RORA: variants seen among roughly 807,000 people sequenced by gnomAD.
RORA encodes nuclear receptor ROR-alpha.
In RORA, 7 loss-of-function variants were observed where a neutral mutation model predicts 69.5. The observed-to-expected ratio is 0.10, with a 90% CI of 0.06 to 0.19. The LOEUF (loss-of-function observed/expected upper bound fraction) is 0.19, where lower values mean the gene tolerates loss of function less well. Among genes scored for constraint, RORA ranks in the 10% least tolerant of loss-of-function variants. The probability of loss-of-function intolerance (pLI) is 1.00; values close to 1 mark genes in which losing one functional copy is unlikely to be tolerated. For synonymous variants in RORA, 261 were observed against 240.8 expected, an observed-to-expected ratio of 1.08 and a Z score of -0.78; for missense variants, 457 against 663.0, an observed-to-expected ratio of 0.69 and a Z score of 3.41.
intron 1 of RORA, among the ~76,000 whole-genome samples, chr15:60,767,120 T>C (rs896036765): frequency 1.3e-5 from 2 of 152,242 alleles, no homozygotes; most frequent in African/African-American, 4.8e-5. Flanking sequence ...CAAGCTTCTC[T>C]TGGAAAATTG....
intron 2 of RORA, among the ~76,000 whole-genome samples, chr15:60,654,578 C>G (rs1266898777): frequency 6.6e-6 from 1 of 152,038 alleles, no homozygotes; most frequent in Admixed American, 6.5e-5. Flanking sequence ...ATTCCCGGAA[C>G]CTACAAATAT....
chr15:60,511,338 G>A lies in RORA; in HGVS notation c.708C>T (p.Ile236=). 6.2e-7 allele frequency: 1 copy of A among 1,614,198 alleles called. No individual in the cohort carries two copies. The highest frequency in any genetic ancestry group is 1.1e-5 in the South Asian group (1 of 91,084). ...ATATTGGTTCTGGTTTGATTCCATTGATATCAAGACCTGACTGGTCTGGGG... is the reference window on the plus strand; with the variant it reads ...ATATTGGTTCTGGTTTGATTCCATTAATATCAAGACCTGACTGGTCTGGGG... ...QPSPDQSGLD[I]NGIKPEPICD... is the part of the protein sequence containing the mutation. The change falls in exon 5 of 11, where the codon ATC becomes ATT. Residue 236 remains isoleucine (I), a synonymous_variant. Coordinates refer to ENST00000335670, the MANE Select transcript of RORA (RefSeq NM_134261.3). This position sits in a 1 kb window ranked among gnomAD's most constrained non-coding sequence, Gnocchi z 6.4.
At chr15:61,024,273 T>TC (rs1366908993) in intron 1 of RORA, among the ~76,000 whole-genome samples, 1 of 135,542 alleles carries the variant, frequency 7.4e-6, no homozygotes, top group Admixed American at 7.4e-5. Context: ...TGGATCTCTT[T>TC]TTTTTTTTTT....
At chr15:60,561,082 G>GTTTTTTT (rs571970599) in intron 2 of RORA, among the ~76,000 whole-genome samples, 5 of 122,052 alleles carry the variant, frequency 4.1e-5, no homozygotes, top group African/African-American at 6.1e-5. Context: ...TTTTGTTTTT[G>GTTTTTTT]TTTTTTTTTT....
intron 1 of RORA, chr15:60,848,875 G>C (rs1246401167): frequency 6.6e-6 from 1 of 152,172 alleles, no homozygotes; most frequent in Non-Finnish European, 1.5e-5. Flanking sequence ...CCAACAAAGG[G>C]GGTTATCATT....
chr15:61,185,283 T>G (rs12437877), intron 1 of RORA, among the ~76,000 whole-genome samples: 14,508 of 152,178 alleles, frequency 0.095, 903 homozygotes, highest in East Asian at 0.22. Context: ...CTAAATGATA[T>G]TTAGCCTCCA....
At chr15:61,210,923 G>A (rs1000772232) in intron 1 of RORA, among the ~76,000 whole-genome samples, 1 of 152,244 alleles carries the variant, frequency 6.6e-6, no homozygotes, top group African/African-American at 2.4e-5. Context: ...CTGACCCTCA[G>A]CTGTCGCTGG....
chr15:60,958,198 T>C (rs538502399), intron 1 of RORA, among the ~76,000 whole-genome samples: 1 of 152,308 alleles, frequency 6.6e-6, no homozygotes, highest in South Asian at 2.1e-4. Context: ...CCTAAAGTGG[T>C]GATGGCAGAG....
At chr15:61,158,753 T>C (rs949053584) in intron 1 of RORA, among the ~76,000 whole-genome samples, 1 of 152,144 alleles carries the variant, frequency 6.6e-6, no homozygotes, top group Non-Finnish European at 1.5e-5. Flanking sequence ...GAAACAATAT[T>C]TGATGAAAGA....
chr15:60,710,403 G>T (rs752223312), intron 1 of RORA, among the ~76,000 whole-genome samples: 1 of 152,110 alleles, frequency 6.6e-6, no homozygotes, highest in Non-Finnish European at 1.5e-5. Context: ...CAGGAGAATC[G>T]CTTGAACCCG....
At chr15:61,046,157 G>C (rs926989954) in intron 1 of RORA, among the ~76,000 whole-genome samples, 3 of 152,216 alleles carry the variant, frequency 2.0e-5, no homozygotes, top group African/African-American at 7.2e-5. Flanking sequence ...GTGCATGGGA[G>C]AGGGAAAGGA....
intron 1 of RORA, among the ~76,000 whole-genome samples, chr15:60,857,992 T>A (rs2073398348): frequency 6.6e-6 from 1 of 152,158 alleles, no homozygotes; most frequent in Non-Finnish European, 1.5e-5. Flanking sequence ...CACACTGGGG[T>A]TTGCAACCCA....
intron 1 of RORA, among the ~76,000 whole-genome samples, chr15:61,142,970 C>A (rs1377865832): frequency 6.6e-6 from 1 of 152,036 alleles, no homozygotes; most frequent in Non-Finnish European, 1.5e-5. Context: ...ATTGCCAATA[C>A]CCTATAATTT....
intron 1 of RORA, among the ~76,000 whole-genome samples, chr15:60,820,810 T>A (rs1360896849): frequency 6.6e-6 from 1 of 152,226 alleles, no homozygotes; most frequent in Non-Finnish European, 1.5e-5. Flanking sequence ...CTATATAGTA[T>A]CTCACAATGT....
chr15:60,825,613 G>A (rs186096223), intron 1 of RORA, among the ~76,000 whole-genome samples: 11 of 152,166 alleles, frequency 7.2e-5, no homozygotes, highest in East Asian at 1.9e-4. Flanking sequence ...CCCATCTTCC[G>A]TCTCCATCCT....
intron 1 of RORA, among the ~76,000 whole-genome samples, chr15:60,825,542 A>G (rs7169946): frequency 0.051 from 7,771 of 152,224 alleles, 246 homozygotes; most frequent in Admixed American, 0.086. Context: ...AAGGTCAAGA[A>G]CCAGAGGCAT....
At chr15:60,635,718 G>A (rs1316078406) in intron 2 of RORA, among the ~76,000 whole-genome samples, 2 of 152,120 alleles carry the variant, frequency 1.3e-5, no homozygotes, top group Non-Finnish European at 2.9e-5. Flanking sequence ...TCAGAGACTT[G>A]GGCCCTCCAC....
chr15:60,842,022 G>A (rs1226881286), intron 1 of RORA, among the ~76,000 whole-genome samples: 2 of 152,012 alleles, frequency 1.3e-5, no homozygotes, highest in Admixed American at 1.3e-4. Context: ...CTGCCATCAC[G>A]GATGCCTTCT....
intron 1 of RORA, among the ~76,000 whole-genome samples, chr15:61,198,362 T>C (rs755107641): frequency 9.9e-5 from 15 of 152,136 alleles, no homozygotes; most frequent in African/African-American, 3.6e-4. Flanking sequence ...TCTAGGAGAC[T>C]TGAGTGCTGA....
Sources: gnomAD v4.1 joint callset for allele counts (sites outside exome capture counted in the v4.1 genomes callset) on GRCh38, gnomAD v4.1.1 for gene constraint, Gnocchi (gnomAD v3.1) non-coding constraint, MANE v1.5 for transcripts, NCBI Gene and HGNC (gene_info 2026-07-23, HGNC 2026-07-21) for gene names.